BRINP2: variants seen among roughly 807,000 people sequenced by gnomAD.
The protein encoded by BRINP2 is BMP/retinoic acid-inducible neural-specific protein 2.
In BRINP2, 21 loss-of-function variants were observed where a neutral mutation model predicts 69.2. The ratio of observed to expected loss-of-function variants is 0.30; its 90% confidence interval spans 0.22 to 0.44. The LOEUF (loss-of-function observed/expected upper bound fraction) is 0.44, where lower values mean the gene tolerates loss of function less well. Among genes scored for constraint, BRINP2 ranks in the 20% least tolerant of loss-of-function variants. BRINP2 has a pLI of 1.00. For missense variants in BRINP2, 877 were observed against 986.0 expected, an observed-to-expected ratio of 0.89 and a Z score of 1.48; for synonymous variants, 380 against 394.1, an observed-to-expected ratio of 0.96 and a Z score of 0.42.
chr1:177,251,847 C>T (rs374880936), intron 2 of BRINP2, among the ~76,000 whole-genome samples: 1 of 152,066 alleles, frequency 6.6e-6, no homozygotes, highest in Non-Finnish European at 1.5e-5. Context: ...TGAGGGGCTT[C>T]GACCATTATA....
chr1:177,248,176 G>A (rs995807359), intron 2 of BRINP2, among the ~76,000 whole-genome samples: 3 of 152,236 alleles, frequency 2.0e-5, no homozygotes, highest in African/African-American at 2.4e-5. Flanking sequence ...TTCATTACAG[G>A]TTGAGTATCA....
chr1:177,274,111 TG>T (rs1190658584), intron 5 of BRINP2, among the ~76,000 whole-genome samples: 1 of 152,200 alleles, frequency 6.6e-6, no homozygotes, highest in Non-Finnish European at 1.5e-5. Context: ...TCTGTGATCT[TG>T]CACATGGGCA....
chr1:177,204,858 T>C (rs1649026035), intron 1 of BRINP2, among the ~76,000 whole-genome samples: 2 of 152,204 alleles, frequency 1.3e-5, no homozygotes, highest in African/African-American at 4.8e-5. Context: ...TTATGTTTAA[T>C]GGAATAAAAA....
rs1184817045 is a variant in BRINP2 at position 177,280,895 on chromosome 1, G to C, written c.1719G>C (p.Gln573His). The change falls in exon 8 of 8, where the codon CAG (glutamine) becomes CAC (histidine). Residue 573 changes from glutamine to histidine, a missense_variant. Coordinates refer to ENST00000361539, the MANE Select transcript of BRINP2 (RefSeq NM_021165.4). ...ACGTGATGTTGGCCTTGTCCTTGCA[G>C]ATCTGTCTCACCAAGAACAGCACCC... ...LVHVMLALSL[Q>H]ICLTKNSTLE... 1 of 1,614,222 alleles carries C rather than the reference G, an allele frequency of 6.2e-7. No individual in the cohort carries two copies. Among genetic ancestry groups the C allele is most frequent in the Non-Finnish European group, 8.5e-7 (1 of 1,180,040 alleles).
chr1:177,236,414 T>C (rs1054378473), intron 2 of BRINP2, among the ~76,000 whole-genome samples: 2 of 152,230 alleles, frequency 1.3e-5, no homozygotes, highest in African/African-American at 4.8e-5. Context: ...CATTCTGCTG[T>C]CTTGGAGCAA....
intron 2 of BRINP2, among the ~76,000 whole-genome samples, chr1:177,246,426 T>C (rs1650384078): frequency 6.6e-6 from 1 of 152,230 alleles, no homozygotes; most frequent in African/African-American, 2.4e-5. Context: ...AGCTTAATAG[T>C]TGATTAATGA....
chr1:177,180,898 C>T (rs932075673), intron 1 of BRINP2, among the ~76,000 whole-genome samples: 1 of 152,100 alleles, frequency 6.6e-6, no homozygotes, highest in Non-Finnish European at 1.5e-5. Context: ...GAGACTAGGA[C>T]CAATCATTGT....
At chr1:177,269,951 C>G (rs779110269) in intron 4 of BRINP2, among the ~76,000 whole-genome samples, 19 of 152,106 alleles carry the variant, frequency 1.2e-4, no homozygotes, top group Non-Finnish European at 2.4e-4. Context: ...GTGAACTGCA[C>G]TCTCCATTAC....
chr1:177,274,214 C>G (rs1651421845), intron 5 of BRINP2, among the ~76,000 whole-genome samples: 1 of 152,186 alleles, frequency 6.6e-6, no homozygotes, highest in Non-Finnish European at 1.5e-5. Context: ...AAGAAAACCA[C>G]ACTAACCCTG....
chr1:177,205,837 A>C (rs953309153), intron 1 of BRINP2, among the ~76,000 whole-genome samples: 1 of 152,230 alleles, frequency 6.6e-6, no homozygotes. Context: ...CCTATGTGAC[A>C]GCTAGGCTTC....
At chr1:177,223,261 G>T (rs1649594254) in intron 1 of BRINP2, among the ~76,000 whole-genome samples, 1 of 152,294 alleles carries the variant, frequency 6.6e-6, no homozygotes, top group African/African-American at 2.4e-5. Context: ...ATCACACAGA[G>T]AGACCTATAA....
intron 1 of BRINP2, among the ~76,000 whole-genome samples, chr1:177,207,073 C>T (rs1053960337): frequency 3.9e-5 from 6 of 152,176 alleles, no homozygotes; most frequent in African/African-American, 1.4e-4. Flanking sequence ...AACACTAGCA[C>T]ATCAGGCCTT....
At chr1:177,273,642 A>C (rs1651405592) in intron 5 of BRINP2, 49 bp downstream of exon 5, 2 of 1,195,244 alleles carry the variant, frequency 1.7e-6, no homozygotes, top group Non-Finnish European at 2.3e-6. Context: ...TGATTTAAAA[A>C]AAAAAATTCC....
At chr1:177,171,858 G>A (rs1647943196) in intron 1 of BRINP2, 126 bp downstream of exon 1, 1 of 152,242 alleles carries the variant, frequency 6.6e-6, no homozygotes, top group Non-Finnish European at 1.5e-5. Context: ...GTGGCAGGCA[G>A]AGGGAATGAT....
At chr1:177,280,260 G>T in intron 7 of BRINP2, 152 bp from the exon 8 acceptor site, 1 of 815,800 alleles carries the variant, frequency 1.2e-6, no homozygotes, top group Non-Finnish European at 1.9e-6. Context: ...GTCCAAAGTA[G>T]CAAAGTAGAG....
chr1:177,231,168 T>C (rs959605178), intron 2 of BRINP2, among the ~76,000 whole-genome samples: 12 of 152,166 alleles, frequency 7.9e-5, no homozygotes, highest in African/African-American at 2.7e-4. Flanking sequence ...TTGCATGCCT[T>C]ATATAAAGTA....
intron 1 of BRINP2, among the ~76,000 whole-genome samples, chr1:177,224,640 A>G (rs1649641769): frequency 6.6e-6 from 1 of 152,042 alleles, no homozygotes; most frequent in Non-Finnish European, 1.5e-5. Context: ...TGTGAGGTAT[A>G]AATACTATGG....
chr1:177,190,856 T>C (rs1648574856), intron 1 of BRINP2, among the ~76,000 whole-genome samples: 1 of 152,208 alleles, frequency 6.6e-6, no homozygotes, highest in Non-Finnish European at 1.5e-5. Flanking sequence ...AAAATGCAGA[T>C]GATCTTTGTG....
chr1:177,190,416 A>C (rs987724258), intron 1 of BRINP2, among the ~76,000 whole-genome samples: 1 of 152,128 alleles, frequency 6.6e-6, no homozygotes, highest in African/African-American at 2.4e-5. Context: ...TTTCAAGTTT[A>C]GCTCTTTCTG....
Sources: gnomAD v4.1 joint callset for allele counts (sites outside exome capture counted in the v4.1 genomes callset) on GRCh38, gnomAD v4.1.1 for gene constraint, MANE v1.5 for transcripts, NCBI Gene and HGNC (gene_info 2026-07-23, HGNC 2026-07-21) for gene names.